STPG2: variants seen among roughly 807,000 people sequenced by gnomAD.
STPG2 encodes the protein sperm-tail PG-rich repeat-containing protein 2.
A neutral mutation model predicts 54.2 loss-of-function variants in STPG2; 56 were observed. The observed-to-expected ratio is 1.03, with a 90% CI of 0.83 to 1.29. The LOEUF (loss-of-function observed/expected upper bound fraction) is 1.29. STPG2 is among the 50% of genes most tolerant of loss of function. The probability of loss-of-function intolerance (pLI) is 0.00; values close to 1 mark genes in which losing one functional copy is unlikely to be tolerated. For synonymous variants in STPG2, 200 were observed against 181.8 expected, an observed-to-expected ratio of 1.10 and a Z score of -0.81; for missense variants, 596 against 544.9, an observed-to-expected ratio of 1.09 and a Z score of -0.93.
chr4:97,881,125 G>C (rs1043647107), intron 8 of STPG2, among the ~76,000 whole-genome samples: 34 of 151,826 alleles, frequency 2.2e-4, no homozygotes, highest in Non-Finnish European at 4.7e-4. Flanking sequence ...CCCTGGATCT[G>C]GTAAAAACTA....
intron 10 of STPG2, among the ~76,000 whole-genome samples, chr4:97,654,494 T>C (rs1175525522): frequency 2.0e-5 from 3 of 152,034 alleles, no homozygotes; most frequent in Admixed American, 6.6e-5. Context: ...CTGATTACAA[T>C]TTACAATTGC....
At chr4:97,937,839 G>C (rs1311949518) in intron 8 of STPG2, among the ~76,000 whole-genome samples, 1 of 152,186 alleles carries the variant, frequency 6.6e-6, no homozygotes, top group Non-Finnish European at 1.5e-5. Flanking sequence ...GCTGACCCCT[G>C]TTGGGGGCTG....
intron 9 of STPG2, among the ~76,000 whole-genome samples, chr4:97,736,321 C>A (rs955984458): frequency 1.3e-5 from 2 of 152,124 alleles, no homozygotes; most frequent in Non-Finnish European, 2.9e-5. Context: ...TCTGAGGTAC[C>A]AGGTTCATCT....
chr4:98,082,954 C>T lies in STPG2; in HGVS notation c.612+22999G>A, dbSNP rs77958372. Among the ~76,000 whole-genome samples the T allele has an allele frequency of 7.4e-4, 113 of 152,258 alleles. 9 individuals are homozygous for T. In the East Asian group the frequency reaches 0.022, roughly 29 times the overall value. The stretch of plus-strand genomic sequence containing the variant: ...GTATTGCCACTATTGCCATAATCTT[C>T]TACTCTGGATCTCTCCATTCTAGTG... On this transcript the variant is annotated intron_variant, in intron 5 of 10. Transcript: ENST00000295268.
intron 9 of STPG2, among the ~76,000 whole-genome samples, chr4:97,800,775 C>T (rs994382173): frequency 6.6e-6 from 1 of 152,156 alleles, no homozygotes; most frequent in Non-Finnish European, 1.5e-5. Flanking sequence ...GCCCTACCCC[C>T]AGAGTTGGAG....
intron 4 of STPG2, among the ~76,000 whole-genome samples, chr4:97,479,147 C>G (rs1240513981): frequency 6.6e-6 from 1 of 151,850 alleles, no homozygotes; most frequent in Non-Finnish European, 1.5e-5. Flanking sequence ...TATACACACA[C>G]ACACACACAC....
At chr4:97,675,739 C>T (rs1369142293) in intron 10 of STPG2, among the ~76,000 whole-genome samples, 1 of 151,500 alleles carries the variant, frequency 6.6e-6, no homozygotes, top group Non-Finnish European at 1.5e-5. Context: ...CCTGGGTTGA[C>T]TTTGCACTAT....
chr4:98,028,806 T>C (rs559550729), intron 5 of STPG2, among the ~76,000 whole-genome samples: 9 of 152,132 alleles, frequency 5.9e-5, no homozygotes, highest in Non-Finnish European at 1.3e-4. Flanking sequence ...ATCTTTCTTC[T>C]TTTCTAATAT....
chr4:97,771,304 T>G (rs777391328), intron 9 of STPG2, among the ~76,000 whole-genome samples: 3 of 152,002 alleles, frequency 2.0e-5, no homozygotes, highest in Non-Finnish European at 4.4e-5. Flanking sequence ...AAAGAGTAAC[T>G]CTAGGATATA....
At chr4:97,640,036 T>C (rs1013299749) in intron 10 of STPG2, among the ~76,000 whole-genome samples, 9 of 152,194 alleles carry the variant, frequency 5.9e-5, no homozygotes, top group African/African-American at 2.2e-4. Flanking sequence ...AAATATAATG[T>C]AAAAATAAAA....
At chr4:97,863,466 A>T (rs953513750) in intron 8 of STPG2, among the ~76,000 whole-genome samples, 1 of 152,158 alleles carries the variant, frequency 6.6e-6, no homozygotes, top group Non-Finnish European at 1.5e-5. Flanking sequence ...TAGCTTACCA[A>T]CCAAAAAAAA....
chr4:97,600,684 T>C (rs750796770), intron 10 of STPG2, among the ~76,000 whole-genome samples: 8 of 151,952 alleles, frequency 5.3e-5, no homozygotes, highest in Non-Finnish European at 1.0e-4. Context: ...GACACACACA[T>C]ACACACACAA....
chr4:98,134,323 C>A lies in STPG2; in HGVS notation c.222+24G>T. ...GGAAGAAAACATGGTTTTATTAAGT[C>A]AATTATAGTAACTATAAAGTTACCT... On this transcript the variant is annotated intron_variant, in intron 2 of 10. Transcript: ENST00000295268. 4 of 1,392,220 alleles carry A rather than the reference C, an allele frequency of 2.9e-6. No homozygotes were observed. The South Asian group carries it at 6.3e-5, about 22-fold the overall frequency. 86.2% of individuals were successfully genotyped at this position (1,392,220 alleles called of 1,614,324 possible). A position where few individuals can be genotyped will look rare whatever the true frequency, so the allele number is the denominator to read the frequency against.
At chr4:97,580,303 T>C (rs904997984) in intron 10 of STPG2, among the ~76,000 whole-genome samples, 1 of 151,936 alleles carries the variant, frequency 6.6e-6, no homozygotes, top group African/African-American at 2.4e-5. Flanking sequence ...ATTTATATAA[T>C]ACAAGTTATA....
chr4:97,830,100 A>G (rs1302845414), intron 9 of STPG2, among the ~76,000 whole-genome samples: 2 of 152,186 alleles, frequency 1.3e-5, no homozygotes, highest in African/African-American at 4.8e-5. Context: ...ACATGAAGGA[A>G]AAAATGTTAA....
chr4:97,738,105 C>T (rs1347023573), intron 9 of STPG2, among the ~76,000 whole-genome samples: 1 of 152,076 alleles, frequency 6.6e-6, no homozygotes, highest in African/African-American at 2.4e-5. Flanking sequence ...CATATCCAGC[C>T]AAACTAAACT....
At chr4:97,858,293 G>C (rs1315511845) in intron 8 of STPG2, among the ~76,000 whole-genome samples, 1 of 151,910 alleles carries the variant, frequency 6.6e-6, no homozygotes, top group East Asian at 1.9e-4. Flanking sequence ...AACCCTAAAA[G>C]CAGCAAGAGA....
intron 5 of STPG2, among the ~76,000 whole-genome samples, chr4:98,021,835 G>A (rs1310486022): frequency 6.6e-6 from 1 of 151,820 alleles, no homozygotes; most frequent in Non-Finnish European, 1.5e-5. Context: ...GACTAGGATT[G>A]CAACCCCTGC....
chr4:97,720,917 C>T (rs992197644), intron 9 of STPG2, among the ~76,000 whole-genome samples: 1 of 151,912 alleles, frequency 6.6e-6, no homozygotes, highest in African/African-American at 2.4e-5. Context: ...TACATCCTAT[C>T]TTTGGGTGAA....
Sources: allele counts gnomAD v4.1 joint callset (sites outside exome capture counted in the v4.1 genomes callset), GRCh38; gene constraint gnomAD v4.1.1; transcripts MANE v1.5; gene names NCBI Gene and HGNC (gene_info 2026-07-23, HGNC 2026-07-21).